Variants in PHF3 observed in about 807,000 individuals in gnomAD.
PHF3 encodes PHD finger protein 3.
A neutral mutation model predicts 178.4 loss-of-function variants in PHF3; 41 were observed. That is an observed-to-expected ratio of 0.23 (90% CI 0.18 to 0.30). PHF3 has a LOEUF of 0.30. Among genes scored for constraint, PHF3 ranks in the 10% least tolerant of loss-of-function variants. PHF3 has a pLI of 1.00. For missense variants in PHF3, 2,346 were observed against 2,398.1 expected, an observed-to-expected ratio of 0.98 and a Z score of 0.45; for synonymous variants, 842 against 800.5, an observed-to-expected ratio of 1.05 and a Z score of -0.88.
chr6:63,683,359 C>T (rs1452931593), intron 3 of PHF3, among the ~76,000 whole-genome samples: 2 of 151,946 alleles, frequency 1.3e-5, no homozygotes, highest in Admixed American at 6.6e-5. Context: ...TTTTGTGTTT[C>T]TCCTTTCTCC....
intron 2 of PHF3, among the ~76,000 whole-genome samples, chr6:63,667,422 G>T (rs1490826205): frequency 6.6e-6 from 1 of 152,066 alleles, no homozygotes; most frequent in Non-Finnish European, 1.5e-5. Context: ...ATATTCAACA[G>T]CTGTTAATAT....
chr6:63,678,755 C>T, intron 2 of PHF3: 1 of 432,106 alleles, frequency 2.3e-6, no homozygotes, highest in South Asian at 1.7e-5. Context: ...TGTTTGTTGT[C>T]AAATTGCTCT....
chr6:63,664,458 CT>C (rs1765595138), intron 2 of PHF3, among the ~76,000 whole-genome samples: 1 of 152,082 alleles, frequency 6.6e-6, no homozygotes, highest in African/African-American at 2.4e-5. Flanking sequence ...GATAACCAAA[CT>C]TTTTTGATTG....
chr6:63,705,503 C>A (rs1490911668), intron 11 of PHF3, among the ~76,000 whole-genome samples: 1 of 152,168 alleles, frequency 6.6e-6, no homozygotes, highest in Non-Finnish European at 1.5e-5. Context: ...TGTGAAGGAT[C>A]TAGGTTGCGT....
At position 63,713,430 on chromosome 6, in the gene PHF3, C is replaced by T. The variant is rs766306485; in HGVS notation, c.5842C>T (p.Arg1948Cys). The change falls in exon 16 of 16, where the codon CGC becomes TGC. Residue 1948 changes from arginine (R) to cysteine (C), a missense_variant. Coordinates refer to ENST00000262043, the MANE Select transcript of PHF3 (RefSeq NM_001370348.2). ...GGAGCAAGAATCTGAAAGGCATAGACGCAGAGACAGAAGCCAAGACAAGGA... is the reference window on the plus strand; with the variant it reads ...GGAGCAAGAATCTGAAAGGCATAGATGCAGAGACAGAAGCCAAGACAAGGA... Reference protein sequence around the residue: ...EWEQESERHRRRDRSQDKDRD... With the variant: ...EWEQESERHRCRDRSQDKDRD... The T allele has an allele frequency of 4.8e-5, 78 of 1,613,538 alleles. No homozygotes were observed. Among genetic ancestry groups the T allele is most frequent in the Middle Eastern group, 1.6e-4 (1 of 6,084 alleles).
chr6:63,641,551 T>TGG (rs1289755132), intron 1 of PHF3, among the ~76,000 whole-genome samples: 1 of 151,716 alleles, frequency 6.6e-6, no homozygotes, highest in African/African-American at 2.4e-5. Context: ...TGTGTGTGTG[T>TGG]GTGTGTGTGT....
At chr6:63,684,040 AAAG>A in intron 3 of PHF3, 86 bp from the exon 4 acceptor site, 2 of 1,025,368 alleles carry the variant, frequency 2.0e-6, no homozygotes, top group Non-Finnish European at 2.9e-6. Context: ...AGCTCAGAAT[AAAG>A]AAGTGATATA....
rs1182990953 is a variant in PHF3, at chr6:63,721,846, A to G, written c.*8138A>G. On this transcript the variant is annotated 3_prime_UTR_variant, in exon 16 of 16. Coordinates refer to ENST00000262043, the MANE Select transcript of PHF3 (RefSeq NM_001370348.2). ...TTGATTAGCAACAGTAAAAGTTTCC[A>G]TTGAAAACTTTTGCTGTTTCTGGCC... is the stretch of plus-strand genomic sequence containing the variant. 7 of 1,487,628 alleles carry G rather than the reference A, an allele frequency of 4.7e-6. No individual in the cohort carries two copies. The East Asian group carries it at 1.2e-4, about 26-fold the overall frequency. 92.2% of individuals were successfully genotyped at this position (1,487,628 alleles called of 1,614,324 possible). A position where few individuals can be genotyped will look rare whatever the true frequency, so the allele number is the denominator to read the frequency against.
At chr6:63,640,209 A>G (rs1329811614) in intron 1 of PHF3, among the ~76,000 whole-genome samples, 1 of 152,230 alleles carries the variant, frequency 6.6e-6, no homozygotes, top group East Asian at 1.9e-4. Context: ...GCTTTGTAGA[A>G]TGATACTTTG....
chr6:63,700,724 C>CA (rs1310624674), intron 9 of PHF3, among the ~76,000 whole-genome samples: 4 of 152,304 alleles, frequency 2.6e-5, no homozygotes, highest in African/African-American at 9.6e-5. Flanking sequence ...GCTGGGATTA[C>CA]AGGCACGTGC....
chr6:63,711,713 AT>A lies in PHF3; in HGVS notation c.4127del (p.Leu1376CysfsTer9). On this transcript the variant is annotated frameshift_variant, in exon 16 of 16. Transcript: ENST00000262043. LOFTEE classifies it high-confidence loss of function. ...CTCCTGAAAGTGCACCACCAATAGC[AT>A]TGCCACCTGATAAAAAAAGTAAAAT... ...ETPESAPPIA[L>X]PPDKKSKIEV... is the part of the protein sequence containing the mutation. 1 of 1,614,028 alleles carries A rather than the reference AT, an allele frequency of 6.2e-7. No individual in the cohort carries two copies. The highest frequency in any genetic ancestry group is 8.5e-7 in the Non-Finnish European group (1 of 1,179,916).
At chr6:63,697,258 G>T (rs189686288) in intron 6 of PHF3, among the ~76,000 whole-genome samples, 1 of 152,146 alleles carries the variant, frequency 6.6e-6, no homozygotes, top group African/African-American at 2.4e-5. Context: ...GTTGGATTTG[G>T]TAATGGGAAA....
At chr6:63,655,997 G>T (rs1765218962) in intron 2 of PHF3, among the ~76,000 whole-genome samples, 1 of 152,132 alleles carries the variant, frequency 6.6e-6, no homozygotes, top group African/African-American at 2.4e-5. Flanking sequence ...TTTTTCCATA[G>T]TCATTGCTGC....
chr6:63,647,131 C>T (rs183486226), intron 2 of PHF3, among the ~76,000 whole-genome samples: 1 of 151,862 alleles, frequency 6.6e-6, no homozygotes, highest in East Asian at 1.9e-4. Context: ...TAAATTGGGA[C>T]TCTTTAGTAA....
intron 2 of PHF3, among the ~76,000 whole-genome samples, chr6:63,651,372 T>G (rs1008232514): frequency 2.0e-5 from 3 of 152,124 alleles, no homozygotes; most frequent in East Asian, 3.9e-4. Flanking sequence ...TTTTTTTTCC[T>G]TCTTTTTGAG....
chr6:63,662,622 G>A (rs945957266), intron 2 of PHF3, among the ~76,000 whole-genome samples: 1 of 152,038 alleles, frequency 6.6e-6, no homozygotes, highest in Non-Finnish European at 1.5e-5. Flanking sequence ...TACTGGTATT[G>A]GCACTATTTT....
chr6:63,677,625 G>C (rs1229153499), intron 2 of PHF3, among the ~76,000 whole-genome samples: 3 of 151,968 alleles, frequency 2.0e-5, no homozygotes, highest in Non-Finnish European at 4.4e-5. Context: ...CTTTCCTTCT[G>C]GTCTGTTTTT....
chr6:63,686,914 G>GA (rs2149586221), intron 4 of PHF3, among the ~76,000 whole-genome samples: 1 of 152,292 alleles, frequency 6.6e-6, no homozygotes, highest in South Asian at 2.1e-4. Context: ...GGTGATTGGG[G>GA]AGATCGGAAA....
chr6:63,703,721 G>C (rs201385327), intron 11 of PHF3, 50 bp downstream of exon 11: 3 of 1,508,682 alleles, frequency 2.0e-6, no homozygotes, highest in Non-Finnish European at 2.7e-6. Flanking sequence ...ATGAAAGAAG[G>C]ATACTTAGAT....
Sources: allele counts gnomAD v4.1 joint callset (sites outside exome capture counted in the v4.1 genomes callset), GRCh38; gene constraint gnomAD v4.1.1; transcripts MANE v1.5; gene names NCBI Gene and HGNC (gene_info 2026-07-23, HGNC 2026-07-21).